The following BEX2 variants were observed in gnomAD, a reference collection of about 807,000 sequenced individuals.
BEX2 encodes the protein protein BEX2.
A neutral mutation model predicts 4.1 loss-of-function variants in BEX2; 2 were observed. That is an observed-to-expected ratio of 0.49 (90% CI 0.20 to 1.53). The LOEUF (loss-of-function observed/expected upper bound fraction) is 1.53, where lower values mean the gene tolerates loss of function less well. BEX2 is among the 40% of genes most tolerant of loss of function. The pLI is 0.23. For synonymous variants in BEX2, 34 were observed against 35.9 expected (o/e 0.95, Z 0.19); for missense variants, 94 against 99.9 (o/e 0.94, Z 0.25).
At position 103,309,775 on chromosome X, in the gene BEX2, C is replaced by G. The variant is rs753298247; in HGVS notation, c.202G>C (p.Asp68His). 32 of 1,210,167 alleles carry G rather than the reference C, an allele frequency of 2.6e-5. No homozygotes were observed. The highest frequency in any genetic ancestry group is 3.5e-5 in the Non-Finnish European group (31 of 895,287). Reference protein sequence around the residue: ...VRQPILQYRWDIMHRLGEPQA... With the variant: ...VRQPILQYRWHIMHRLGEPQA... ...GGCTCTCCAAGCCTATGCATTATGT[C>G]CCATCTATACTGCAGGATGGGCTGC... The change falls in exon 3 of 3, where the codon GAC (aspartate) becomes CAC (histidine). Residue 68 changes from aspartate to histidine, a missense_variant. Physicochemically the swap from Asp to His is moderately conservative, Grantham distance 81. Transcript: ENST00000372677.
At chrX:103,310,801 T>C in intron 1 of BEX2, 59 bp downstream of exon 1, 1 of 438,931 alleles carries the variant, frequency 2.3e-6, no homozygotes, top group Non-Finnish European at 3.7e-6. Context: ...GGATGGGGCA[T>C]CCGCAGGCCG....
At chrX:103,310,229 A>G (rs1217110383) in intron 2 of BEX2, 129 bp downstream of exon 2, 1 of 834,961 alleles carries the variant, frequency 1.2e-6, no homozygotes, top group East Asian at 3.5e-5. Flanking sequence ...TGCAGGCACC[A>G]AAATGGAGGA....
rs1250201486 is a variant in BEX2, at chrX:103,309,740, C to T, written c.237G>A (p.Arg79=). The change falls in exon 3 of 3, where the codon AGG becomes AGA. Residue 79 remains arginine, a synonymous_variant. Transcript: ENST00000372677. The part of the protein sequence containing the change: ...IMHRLGEPQA[R]MREENMERIG... ...TCCTTTCCATATTCTCCTCTCTCAT[C>T]CTTGCCTGTGGCTCTCCAAGCCTAT... 8.3e-7 allele frequency: 1 copy of T among 1,209,740 alleles called. No individual in the cohort carries two copies. The highest frequency in any genetic ancestry group is 1.1e-6 in the Non-Finnish European group (1 of 895,196).
chrX:103,310,957 A>G lies in BEX2; in HGVS notation c.-179T>C. On this transcript the variant is annotated 5_prime_UTR_variant, in exon 1 of 3. Transcript: ENST00000372677. Reference sequence around the variant, plus strand: ...ACCACTGCCGAGAAGGGAGCGAGCGACGGCGGTTCTGACGCCACAACGAGG... The same window carrying G: ...ACCACTGCCGAGAAGGGAGCGAGCGGCGGCGGTTCTGACGCCACAACGAGG... 3 of 188,495 alleles carry G rather than the reference A, an allele frequency of 1.6e-5. No homozygotes were observed. The highest frequency in any genetic ancestry group is 2.8e-5 in the Non-Finnish European group (3 of 106,983). 15.5% of individuals were successfully genotyped at this position (188,495 alleles called of 1,213,427 possible). A position where few individuals can be genotyped will look rare whatever the true frequency, so the allele number is the denominator to read the frequency against.
At chrX:103,310,077 G>A in intron 2 of BEX2, 96 bp from the exon 3 acceptor site, 1 of 987,496 alleles carries the variant, frequency 1.0e-6, no homozygotes, top group South Asian at 2.4e-5. Flanking sequence ...TCAGAGCCCT[G>A]GATTTCAAAG....
chrX:103,310,574 C>G lies in BEX2; in HGVS notation c.-81-141G>C, dbSNP rs1236398818. On this transcript the variant is annotated intron_variant, in intron 1 of 2. Transcript: ENST00000372677. ...CCCCCGCCTCAGCCGCCCAGCCCCCCAAGCTGACCACCATTTTCTGCATCA... is the reference window on the plus strand; with the variant it reads ...CCCCCGCCTCAGCCGCCCAGCCCCCGAAGCTGACCACCATTTTCTGCATCA... 4 of 1,154,515 alleles carry G rather than the reference C, an allele frequency of 3.5e-6. No homozygotes were observed. In the East Asian group the frequency reaches 1.3e-4, roughly 38 times the overall value.
Position 103,309,579 on chromosome X carries a change from A to G in BEX2, c.*11T>C. 8.3e-7 allele frequency: 1 copy of G among 1,207,939 alleles called. No individual in the cohort carries two copies. On this transcript the variant is annotated 3_prime_UTR_variant, in exon 3 of 3. Coordinates refer to ENST00000372677, the MANE Select transcript of BEX2 (RefSeq NM_032621.4). Reference sequence around the variant, plus strand: ...GGGTCTCCCTATTAACTTCAGGGAAACCATCAGGATTCAGGGCATAAGGCA... The same window carrying G: ...GGGTCTCCCTATTAACTTCAGGGAAGCCATCAGGATTCAGGGCATAAGGCA...
rs1926113174 is a variant in BEX2 at position 103,309,455 on chromosome X, A to T, written c.*135T>A. 1 of 986,961 alleles carries T rather than the reference A, an allele frequency of 1.0e-6. No homozygotes were observed. The highest frequency in any genetic ancestry group is 1.4e-6 in the Non-Finnish European group (1 of 736,564). The allele number at this position is 986,961 out of a possible 1,213,427, so 81.3% of individuals were successfully genotyped here. On this transcript the variant is annotated 3_prime_UTR_variant, in exon 3 of 3. Transcript: ENST00000372677. The stretch of plus-strand genomic sequence containing the variant: ...ACTTACAAACTGGGTCAAAAACAAC[A>T]TTCATTTAGAAGCTGGTAATAGGAG...
At position 103,310,435 on chromosome X, in the gene BEX2, T is replaced by G. The variant is rs1926164046; in HGVS notation, c.-81-2A>C. 1.7e-6 allele frequency: 2 copies of G among 1,156,624 alleles called. No homozygotes were observed. On this transcript the variant is annotated splice_acceptor_variant, in intron 1 of 2. Coordinates refer to ENST00000372677, the MANE Select transcript of BEX2 (RefSeq NM_032621.4). LOFTEE classifies it low-confidence loss of function (5UTR_SPLICE). ...GCCGCAACACTTGGCCCCGCAAACC[T>G]GCAGACGGCCGGGGTGGGAAGAGTG...
chrX:103,310,352 A>C lies in BEX2; in HGVS notation c.-6+6T>G, dbSNP rs970544599. On this transcript the variant is annotated splice_donor_region_variant and intron_variant, in intron 2 of 2. Transcript: ENST00000372677. ...CCCCCTCCCCACCACCGTCCCTCGC[A>C]CTGACCTGGGCCTATCCTTGCAGTC... 1 of 1,153,877 alleles carries C rather than the reference A, an allele frequency of 8.7e-7. No homozygotes were observed. The highest frequency in any genetic ancestry group is 1.1e-6 in the Non-Finnish European group (1 of 871,747).
chrX:103,310,076 T>C (rs1569312400), intron 2 of BEX2, 95 bp from the exon 3 acceptor site: 5 of 1,023,780 alleles, frequency 4.9e-6, no homozygotes, highest in Non-Finnish European at 6.6e-6. Context: ...TTCAGAGCCC[T>C]GGATTTCAAA....
intron 2 of BEX2, 40 bp from the exon 3 acceptor site, chrX:103,310,021 C>A (rs775929633): frequency 2.0e-5 from 23 of 1,146,292 alleles, no homozygotes; most frequent in Non-Finnish European, 2.6e-5. Context: ...TCTTGGTGAA[C>A]TGATCAGCAC....
At chrX:103,310,203 T>C (rs995226416) in intron 2 of BEX2, among the ~76,000 whole-genome samples, 155 bp downstream of exon 2, 9 of 108,380 alleles carry the variant, frequency 8.3e-5, no homozygotes, top group African/African-American at 3.1e-4. Flanking sequence ...TCTCTGCAGA[T>C]CCATCTCCAG....
At chrX:103,310,032 C>A in intron 2 of BEX2, 51 bp from the exon 3 acceptor site, 3 of 1,123,061 alleles carry the variant, frequency 2.7e-6, no homozygotes, top group Non-Finnish European at 3.6e-6. Flanking sequence ...TGATCAGCAC[C>A]GAGGACAGAG....
rs1464563715 is a variant in BEX2 at position 103,309,965 on chromosome X, T to C, written c.12A>G (p.Lys4=). ...TGAGATTGTTTAACGCTCGTTCCTC[T>C]TTGGACTCCATTACTCCTAGGAGAC... MES[K]EERALNNLIV... is the part of the protein sequence containing the mutation. Residue 4 remains lysine (K), a synonymous_variant, in exon 3 of 3, where the codon AAA becomes AAG. Transcript: ENST00000372677. 8.3e-7 allele frequency: 1 copy of C among 1,204,310 alleles called. No homozygotes were observed. The highest frequency in any genetic ancestry group is 2.2e-5 in the Admixed American group (1 of 45,682).
Position 103,309,713 on chromosome X carries a change from A to C in BEX2, c.264T>G (p.Ile88Met), listed in dbSNP as rs996737789. ...ARMREENMER[I>M]GEEVRQLMEK... ...CCATCAGCTGTCTCACCTCCTCCCC[A>C]ATCCTTTCCATATTCTCCTCTCTCA... Residue 88 changes from isoleucine (I) to methionine (M), a missense_variant, in exon 3 of 3, where the codon ATT (isoleucine) becomes ATG (methionine). Physicochemically the swap from Ile to Met is conservative, Grantham distance 10. Coordinates refer to ENST00000372677, the MANE Select transcript of BEX2 (RefSeq NM_032621.4). The C allele has an allele frequency of 2.5e-6, 3 of 1,208,679 alleles. No homozygotes were observed. In the African/African-American group the frequency reaches 5.3e-5, roughly 21 times the overall value.
In BEX2 at chrX:103,309,902, A is replaced by T. The variant is rs371531145; in HGVS notation, c.75T>A (p.Asp25Glu). ...ENVNQENDEK[D>E]EKEQVANKGE... ...CTTTATTAGCAACTTGCTCCTTTTC[A>T]TCTTTTTCATCATTTTCCTGGTTGA... Residue 25 changes from aspartate to glutamate, a missense_variant, in exon 3 of 3, where the codon GAT becomes GAA. Coordinates refer to ENST00000372677, the MANE Select transcript of BEX2 (RefSeq NM_032621.4). 1.7e-6 allele frequency: 2 copies of T among 1,210,872 alleles called. No individual in the cohort carries two copies. The highest frequency in any genetic ancestry group is 1.8e-5 in the South Asian group (1 of 56,874).
At chrX:103,310,194 C>T (rs1202810618) in intron 2 of BEX2, among the ~76,000 whole-genome samples, 164 bp downstream of exon 2, 2 of 110,730 alleles carry the variant, frequency 1.8e-5, no homozygotes, top group Non-Finnish European at 3.8e-5. Flanking sequence ...CCACCATCTT[C>T]TCTGCAGATC....
chrX:103,310,539 C>A, intron 1 of BEX2, 106 bp from the exon 2 acceptor site: 1 of 1,150,496 alleles, frequency 8.7e-7, no homozygotes, highest in South Asian at 1.9e-5. Flanking sequence ...GCCCTCCTAG[C>A]CGCTCTCGCC....
Sources: gnomAD v4.1 joint callset for allele counts (sites outside exome capture counted in the v4.1 genomes callset) on GRCh38, gnomAD v4.1.1 for gene constraint, MANE v1.5 for transcripts, NCBI Gene and HGNC (gene_info 2026-07-23, HGNC 2026-07-21) for gene names.